The following DMD variants were observed in gnomAD, a reference collection of about 807,000 sequenced individuals.
DMD encodes dystrophin.
A neutral mutation model predicts 330.1 loss-of-function variants in DMD; 63 were observed. The ratio of observed to expected loss-of-function variants is 0.19; its 90% CI spans 0.16 to 0.24. The LOEUF (loss-of-function observed/expected upper bound fraction) is 0.24, where lower values mean the gene tolerates loss of function less well. Among genes scored for constraint, DMD ranks in the 10% least tolerant of loss-of-function variants. The pLI, the probability that DMD is intolerant of heterozygous loss-of-function variation, is 1.00. For missense variants in DMD, 3,344 were observed against 2,684.1 expected, an observed-to-expected ratio of 1.25 and a Z score of -5.43; for synonymous variants, 1,223 against 959.8, an observed-to-expected ratio of 1.27 and a Z score of -5.07.
chrX:32,029,553 C>T (rs2147233645), intron 44 of DMD, among the ~76,000 whole-genome samples: 1 of 111,488 alleles, frequency 9.0e-6, no homozygotes, highest in African/African-American at 3.3e-5. Flanking sequence ...CCCAGCACAA[C>T]ACGTAATAAA....
intron 63 of DMD, among the ~76,000 whole-genome samples, chrX:31,235,794 C>T (rs1322305296): frequency 8.9e-6 from 1 of 112,337 alleles, no homozygotes; most frequent in Non-Finnish European, 1.9e-5. Flanking sequence ...GATATCAAGA[C>T]TTTCCTAAGG....
chrX:32,783,653 C>A (rs770452028), intron 7 of DMD, among the ~76,000 whole-genome samples: 1 of 109,866 alleles, frequency 9.1e-6, no homozygotes, highest in African/African-American at 3.3e-5. Context: ...CAACTATTTA[C>A]GTACTATTTA....
intron 2 of DMD, among the ~76,000 whole-genome samples, chrX:32,869,134 G>A (rs1470219224): frequency 1.8e-5 from 2 of 110,755 alleles, no homozygotes; most frequent in Non-Finnish European, 3.8e-5. Context: ...GGTCTGGAGC[G>A]AACCCCCAAC....
chrX:33,113,312 C>T (rs900612317), intron 1 of DMD, among the ~76,000 whole-genome samples: 3 of 110,952 alleles, frequency 2.7e-5, no homozygotes, highest in Admixed American at 9.6e-5. Context: ...ACGCCTCAGC[C>T]GCCCAAAGTG....
At position 31,434,416 on chromosome X, in the gene DMD, G is replaced by A. The variant is rs1292560600; in HGVS notation, c.9084+10065C>T. On this transcript the variant is annotated intron_variant, in intron 60 of 78. Coordinates refer to ENST00000357033, the MANE Select transcript of DMD (RefSeq NM_004006.3). Reference sequence around the variant, plus strand: ...GCCTCTCACCCTTACTGCAGCGCGCGCGCACACACACACACACACACACAC... The same window carrying A: ...GCCTCTCACCCTTACTGCAGCGCGCACGCACACACACACACACACACACAC... Among the ~76,000 whole-genome samples, 2 of 66,376 alleles carry A rather than the reference G, an allele frequency of 3.0e-5. 1 individual carries two copies. The highest frequency in any genetic ancestry group is 1.5e-4 in the African/African-American group (2 of 13,391). The allele number at this position is 66,376 out of a possible 115,157, so 57.6% of individuals were successfully genotyped here. A position where few individuals can be genotyped will look rare whatever the true frequency, so the allele number is the denominator to read the frequency against.
intron 52 of DMD, among the ~76,000 whole-genome samples, chrX:31,704,828 T>G (rs1262657928): frequency 8.9e-6 from 1 of 111,901 alleles, no homozygotes; most frequent in Non-Finnish European, 1.9e-5. Context: ...ACAAACTTTT[T>G]TATAATCTCT....
intron 2 of DMD, among the ~76,000 whole-genome samples, chrX:32,955,967 T>C (rs2091558715): frequency 8.9e-6 from 1 of 112,061 alleles, no homozygotes; most frequent in African/African-American, 3.2e-5. Flanking sequence ...TGAAGTCAGG[T>C]AATGTGATGC....
chrX:32,164,188 T>A (rs749315922), intron 44 of DMD, among the ~76,000 whole-genome samples: 1 of 111,185 alleles, frequency 9.0e-6, no homozygotes, highest in Admixed American at 9.6e-5. Context: ...GGTACTGAGG[T>A]AGTGAGGTAC....
chrX:31,875,743 C>G (rs771991184), intron 47 of DMD, among the ~76,000 whole-genome samples: 1 of 112,211 alleles, frequency 8.9e-6, no homozygotes, highest in South Asian at 3.6e-4. Flanking sequence ...ATATGCCATA[C>G]GCGCTTCCTT....
chrX:32,971,429 A>C (rs1221324715), intron 2 of DMD, among the ~76,000 whole-genome samples: 1 of 111,423 alleles, frequency 9.0e-6, no homozygotes, highest in Non-Finnish European at 1.9e-5. Context: ...AAGAAAAAAC[A>C]GTCACTTTGG....
At chrX:32,244,411 C>T (rs766579466) in intron 43 of DMD, among the ~76,000 whole-genome samples, 210 of 79,879 alleles carry the variant, frequency 2.6e-3, no homozygotes, top group Non-Finnish European at 4.0e-3. Flanking sequence ...AATAGTGCTG[C>T]AATAAACATA....
chrX:32,986,380 A>T (rs951443871), intron 2 of DMD, among the ~76,000 whole-genome samples: 6 of 112,156 alleles, frequency 5.3e-5, no homozygotes, highest in African/African-American at 1.9e-4. Flanking sequence ...ATAGAAAATT[A>T]CCTTTTTTTG....
chrX:31,690,362 G>T (rs1325880637), intron 52 of DMD, among the ~76,000 whole-genome samples: 2 of 112,190 alleles, frequency 1.8e-5, no homozygotes, highest in Non-Finnish European at 1.9e-5. Context: ...AAAGACACAT[G>T]AAAAAATGCT....
intron 29 of DMD, among the ~76,000 whole-genome samples, chrX:32,424,602 C>A (rs1031662959): frequency 1.8e-5 from 2 of 111,020 alleles, no homozygotes; most frequent in Non-Finnish European, 3.8e-5. Flanking sequence ...CTTAGGAGAG[C>A]CCATGCTTGG....
chrX:32,687,888 T>G (rs1047797054), intron 9 of DMD, among the ~76,000 whole-genome samples: 9 of 111,624 alleles, frequency 8.1e-5, no homozygotes, highest in Non-Finnish European at 3.8e-5. Context: ...AAGAGATAAC[T>G]GAGTCACACA....
intron 9 of DMD, among the ~76,000 whole-genome samples, chrX:32,667,910 C>A (rs1313626583): frequency 9.2e-6 from 1 of 108,713 alleles, no homozygotes; most frequent in African/African-American, 3.4e-5. Flanking sequence ...GAGGCCGAGG[C>A]GGGCGGATCA....
intron 1 of DMD, among the ~76,000 whole-genome samples, chrX:33,121,963 T>C (rs1422634410): frequency 3.6e-5 from 4 of 112,421 alleles, no homozygotes; most frequent in Non-Finnish European, 5.6e-5. Context: ...TGGTGGTTCA[T>C]GCCTGTAATC....
At chrX:31,270,333 G>A (rs1289071879) in intron 62 of DMD, among the ~76,000 whole-genome samples, 1 of 111,023 alleles carries the variant, frequency 9.0e-6, no homozygotes. Context: ...GCCACCCTCT[G>A]GGGCAATAGA....
chrX:31,149,245 G>A (rs1250223351), intron 74 of DMD, among the ~76,000 whole-genome samples: 1 of 111,755 alleles, frequency 8.9e-6, no homozygotes, highest in Non-Finnish European at 1.9e-5. Context: ...GATCTCTAAC[G>A]ATGCTTCCGC....
Sources: gnomAD v4.1 joint callset for allele counts (sites outside exome capture counted in the v4.1 genomes callset) on GRCh38, gnomAD v4.1.1 for gene constraint, MANE v1.5 for transcripts, NCBI Gene and HGNC (gene_info 2026-07-23, HGNC 2026-07-21) for gene names.